Variants in IQGAP2 observed in about 807,000 individuals in gnomAD.
IQGAP2 encodes ras GTPase-activating-like protein IQGAP2.
In IQGAP2, 173 loss-of-function variants were observed where a neutral mutation model predicts 201.3. The ratio of observed to expected loss-of-function variants is 0.86; its 90% CI spans 0.76 to 0.98. IQGAP2 has a LOEUF of 0.98. IQGAP2 is among the 50% of genes least tolerant of loss of function. The pLI, the probability that IQGAP2 is intolerant of heterozygous loss-of-function variation, is 0.00. For synonymous variants in IQGAP2, 675 were observed against 673.9 expected (o/e 1.00, Z -0.03); for missense variants, 1,687 against 1,864.8 (o/e 0.90, Z 1.76).
chr5:76,636,238 ATGTTTTTCTGT>A (rs1441732955), intron 15 of IQGAP2, among the ~76,000 whole-genome samples: 5 of 152,174 alleles, frequency 3.3e-5, no homozygotes, highest in African/African-American at 1.2e-4. Flanking sequence ...AGAACTTCTT[ATGTTTTTCTGT>A]TGTTTTTAGC....
chr5:76,420,970 T>A (rs1437621801), intron 1 of IQGAP2, among the ~76,000 whole-genome samples: 8 of 152,236 alleles, frequency 5.3e-5, no homozygotes. Flanking sequence ...ATCCATTCAT[T>A]CATTGATTGA....
intron 2 of IQGAP2, among the ~76,000 whole-genome samples, chr5:76,461,961 A>C (rs1315202037): frequency 6.6e-6 from 1 of 152,214 alleles, no homozygotes; most frequent in Non-Finnish European, 1.5e-5. Context: ...ACATAGTTCT[A>C]ATAACTCATT....
chr5:76,637,654 A>G (rs1390946987), intron 16 of IQGAP2, among the ~76,000 whole-genome samples: 2 of 152,264 alleles, frequency 1.3e-5, no homozygotes, highest in Non-Finnish European at 2.9e-5. Context: ...CTTCGGAAGC[A>G]AAGAACAGAG....
intron 14 of IQGAP2, 103 bp from the exon 15 acceptor site, chr5:76,631,756 G>A (rs940743727): frequency 6.6e-5 from 53 of 807,692 alleles, no homozygotes; most frequent in Non-Finnish European, 9.3e-5. Flanking sequence ...GGGTAAAAAT[G>A]TTTGATACTA....
chr5:76,578,688 A>G (rs549753500), intron 5 of IQGAP2, among the ~76,000 whole-genome samples: 38 of 152,158 alleles, frequency 2.5e-4, no homozygotes, highest in Non-Finnish European at 4.4e-4. Context: ...TGTGGAAAAA[A>G]TTGGAAAATC....
chr5:76,587,247 T>C (rs561691994), intron 5 of IQGAP2, among the ~76,000 whole-genome samples: 1 of 152,352 alleles, frequency 6.6e-6, no homozygotes, highest in East Asian at 1.9e-4. Flanking sequence ...TAATCTCTTT[T>C]TAAGATCACA....
intron 33 of IQGAP2, among the ~76,000 whole-genome samples, chr5:76,699,195 C>T (rs1747032360): frequency 6.6e-6 from 1 of 152,108 alleles, no homozygotes; most frequent in Admixed American, 6.5e-5. Context: ...TTAGATTCCA[C>T]ATATAAGCGA....
chr5:76,697,627 C>T (rs1040340718), intron 32 of IQGAP2, among the ~76,000 whole-genome samples: 2 of 152,160 alleles, frequency 1.3e-5, no homozygotes, highest in East Asian at 3.9e-4. Flanking sequence ...CAGAGCAAGA[C>T]TATGTCTAAA....
chr5:76,450,562 G>C (rs184017932), intron 1 of IQGAP2, among the ~76,000 whole-genome samples: 42 of 152,286 alleles, frequency 2.8e-4, no homozygotes, highest in Admixed American at 1.2e-3. Flanking sequence ...GATGAGAGCT[G>C]TTTTAGTCAT....
intron 1 of IQGAP2, among the ~76,000 whole-genome samples, chr5:76,460,988 C>G (rs770300283): frequency 2.0e-5 from 3 of 150,092 alleles, no homozygotes; most frequent in African/African-American, 4.9e-5. Context: ...TCCTGATTCT[C>G]TTGCCTCAGC....
At position 76,683,190 on chromosome 5, in the gene IQGAP2, G is replaced by A. The variant is rs747113322; in HGVS notation, c.3736G>A (p.Glu1246Lys). Residue 1246 changes from glutamate to lysine, a missense_variant, in exon 29 of 36, where the codon GAG becomes AAG. By Grantham distance (56) the Glu-to-Lys change is moderately conservative. Transcript: ENST00000274364. ...LLSELLGSLG[E>K]VPTVESFLGE... is the part of the protein sequence containing the mutation. ...GAGTGAATTGCTGGGGTCGCTGGGA[G>A]AGGTGCCAACCGTGGAATCTTTTCT... 7 of 1,612,562 alleles carry A rather than the reference G, an allele frequency of 4.3e-6. No individual in the cohort carries two copies. The South Asian group carries it at 5.5e-5, about 13-fold the overall frequency.
Position 76,595,243 on chromosome 5 carries a change from CTTTTTTT to C in IQGAP2, c.908-2174_908-2168del, listed in dbSNP as rs1180358517. ...GAGCTGGACATTTTGCATTTCTTTG[CTTTTTTT>C]TTTTTTTTTTTTTTTTTTTTTCCGG... is the stretch of plus-strand genomic sequence containing the variant. On this transcript the variant is annotated intron_variant, in intron 9 of 35. Coordinates refer to ENST00000274364, the MANE Select transcript of IQGAP2 (RefSeq NM_006633.5). 6.3e-3 allele frequency among the ~76,000 whole-genome samples: 222 copies of C among 35,296 alleles called. 2 individuals are homozygous for C. The highest frequency in any genetic ancestry group is 0.026 in the African/African-American group (212 of 8,226). 23.2% of individuals were successfully genotyped at this position (35,296 alleles called of 152,430 possible).
chr5:76,506,584 A>G (rs1757617975), intron 2 of IQGAP2, among the ~76,000 whole-genome samples: 1 of 152,238 alleles, frequency 6.6e-6, no homozygotes, highest in Admixed American at 6.5e-5. Flanking sequence ...TAGAGCATCT[A>G]CTTTTCTAAC....
intron 1 of IQGAP2, among the ~76,000 whole-genome samples, chr5:76,431,543 G>A (rs992827830): frequency 6.6e-6 from 1 of 152,058 alleles, no homozygotes; most frequent in Non-Finnish European, 1.5e-5. Flanking sequence ...TGCCAGTCTT[G>A]GCCGGGCACG....
intron 13 of IQGAP2, among the ~76,000 whole-genome samples, chr5:76,620,584 A>G (rs1749553483): frequency 6.6e-6 from 1 of 152,174 alleles, no homozygotes; most frequent in Admixed American, 6.5e-5. Context: ...TGGTTAGAAG[A>G]CTGGATGTGG....
intron 12 of IQGAP2, chr5:76,609,135 A>C: frequency 6.5e-7 from 1 of 1,535,940 alleles, no homozygotes; most frequent in Non-Finnish European, 8.7e-7. Flanking sequence ...CAGCAACTTT[A>C]GCAGGTGATT....
intron 2 of IQGAP2, among the ~76,000 whole-genome samples, chr5:76,477,793 T>G (rs973800408): frequency 6.6e-6 from 1 of 152,120 alleles, no homozygotes; most frequent in African/African-American, 2.4e-5. Context: ...TGGAAGACAG[T>G]GATATTGATG....
chr5:76,520,592 A>G (rs1758611334), intron 2 of IQGAP2, among the ~76,000 whole-genome samples: 2 of 152,198 alleles, frequency 1.3e-5, no homozygotes, highest in Non-Finnish European at 2.9e-5. Flanking sequence ...TATCCCTTGA[A>G]AAAATTCTGC....
chr5:76,665,200 TGA>T, intron 22 of IQGAP2, 25 bp downstream of exon 22: 1 of 1,601,710 alleles, frequency 6.2e-7, no homozygotes. Context: ...TCGTTCACTC[TGA>T]GTTTGGGAGT....
Sources: allele counts gnomAD v4.1 joint callset (sites outside exome capture counted in the v4.1 genomes callset), GRCh38; gene constraint gnomAD v4.1.1; transcripts MANE v1.5; gene names NCBI Gene and HGNC (gene_info 2026-07-23, HGNC 2026-07-21).